Variants in PCNX1 observed in about 807,000 individuals in gnomAD.
PCNX1 encodes pecanex 1, also known as pecanex-like protein 1.
PCNX1 carries 78 observed loss-of-function variants against 242.2 expected under a neutral mutation model. The ratio of observed to expected loss-of-function variants is 0.32; its 90% CI spans 0.27 to 0.39. The LOEUF is 0.39. PCNX1 is among the 10% of genes least tolerant of loss of function. PCNX1 has a pLI of 1.00. For missense variants in PCNX1, 2,581 were observed against 2,856.5 expected, an observed-to-expected ratio of 0.90 and a Z score of 2.20; for synonymous variants, 1,024 against 1,032.9, an observed-to-expected ratio of 0.99 and a Z score of 0.17.
chr14:71,003,533 A>T (rs555981198), intron 8 of PCNX1, among the ~76,000 whole-genome samples: 1 of 152,134 alleles, frequency 6.6e-6, no homozygotes, highest in Non-Finnish European at 1.5e-5. Context: ...AATGTCATCA[A>T]TGTCGTTATT....
intron 17 of PCNX1, 133 bp downstream of exon 17, chr14:71,033,671 A>G (rs1374927211): frequency 1.7e-6 from 1 of 598,582 alleles, no homozygotes; most frequent in African/African-American, 1.9e-5. Flanking sequence ...AAGTTTCAAA[A>G]TATAATAATT....
At chr14:70,990,790 C>T (rs2059141187) in intron 7 of PCNX1, among the ~76,000 whole-genome samples, 1 of 152,084 alleles carries the variant, frequency 6.6e-6, no homozygotes, top group African/African-American at 2.4e-5. Context: ...CTTTTCCTGC[C>T]TGAAGTAACT....
intron 6 of PCNX1, 31 bp from the exon 7 acceptor site, chr14:70,988,536 T>C (rs1414330445): frequency 1.9e-6 from 3 of 1,606,576 alleles, no homozygotes; most frequent in Non-Finnish European, 8.5e-7. Flanking sequence ...TGACCTAGGC[T>C]CTTGTTTGAC....
intron 18 of PCNX1, among the ~76,000 whole-genome samples, chr14:71,035,846 T>C (rs1034106779): frequency 4.0e-5 from 6 of 151,848 alleles, no homozygotes; most frequent in African/African-American, 1.5e-4. Flanking sequence ...GAGGTGGAGG[T>C]TGCAGTGAGC....
intron 11 of PCNX1, 21 bp from the exon 12 acceptor site, chr14:71,018,988 C>T: frequency 6.3e-7 from 1 of 1,597,454 alleles, no homozygotes; most frequent in Non-Finnish European, 8.5e-7. Flanking sequence ...TATACTTACC[C>T]ATAAGTTTTT....
chr14:71,105,734 G>A (rs567850327), intron 33 of PCNX1, among the ~76,000 whole-genome samples: 87 of 151,224 alleles, frequency 5.8e-4, no homozygotes, highest in African/African-American at 2.0e-3. Context: ...GTAGAGACAG[G>A]GTTTCACCAT....
chr14:71,100,806 A>AT (rs1377526392), intron 30 of PCNX1, among the ~76,000 whole-genome samples: 3 of 151,552 alleles, frequency 2.0e-5, no homozygotes, highest in Admixed American at 6.6e-5. Flanking sequence ...TTTTTTCTTT[A>AT]TTTTGTCTGA....
intron 3 of PCNX1, among the ~76,000 whole-genome samples, chr14:70,967,678 G>A (rs1874575891): frequency 6.6e-6 from 1 of 152,058 alleles, no homozygotes; most frequent in Non-Finnish European, 1.5e-5. Flanking sequence ...TGTCTATAAA[G>A]AAGTACTTAC....
chr14:70,956,032 T>C (rs887571365), intron 2 of PCNX1, among the ~76,000 whole-genome samples: 2 of 152,044 alleles, frequency 1.3e-5, no homozygotes, highest in African/African-American at 4.8e-5. Context: ...TGTCTGGAGC[T>C]TTTTTTGGTT....
At chr14:70,945,479 A>G (rs947113246) in intron 1 of PCNX1, among the ~76,000 whole-genome samples, 1 of 151,712 alleles carries the variant, frequency 6.6e-6, no homozygotes, top group East Asian at 1.9e-4. Flanking sequence ...TTTAATATAT[A>G]CCTATTATGC....
At chr14:71,027,647 A>G (rs1291442025) in intron 15 of PCNX1, among the ~76,000 whole-genome samples, 1 of 151,938 alleles carries the variant, frequency 6.6e-6, no homozygotes, top group African/African-American at 2.4e-5. Context: ...TTATTTTCCA[A>G]GCATATGCAT....
intron 30 of PCNX1, among the ~76,000 whole-genome samples, chr14:71,098,799 C>T (rs142094726): frequency 4.6e-5 from 7 of 151,972 alleles, no homozygotes; most frequent in East Asian, 1.9e-4. Flanking sequence ...TTTTTTTCCC[C>T]GCTGCCTGAT....
At chr14:70,985,797 C>A (rs960516359) in intron 6 of PCNX1, among the ~76,000 whole-genome samples, 23 of 152,218 alleles carry the variant, frequency 1.5e-4, no homozygotes, top group Admixed American at 1.4e-3. Context: ...TAATTTCATT[C>A]TTCTTTGCCA....
chr14:71,057,484 C>A, intron 25 of PCNX1, 25 bp from the exon 26 acceptor site: 1 of 1,536,506 alleles, frequency 6.5e-7, no homozygotes, highest in South Asian at 1.1e-5. Flanking sequence ...TTAAATTTAA[C>A]TTTTTTTAAA....
chr14:71,047,750 A>G (rs1387696356), intron 21 of PCNX1, 57 bp from the exon 22 acceptor site: 8 of 1,372,288 alleles, frequency 5.8e-6, no homozygotes, highest in African/African-American at 4.4e-5. Context: ...ATTTTAAGTT[A>G]CTGTCTCTTC....
chr14:70,969,149 G>A (rs780995457), intron 5 of PCNX1, 39 bp downstream of exon 5: 5 of 1,153,884 alleles, frequency 4.3e-6, no homozygotes, highest in Non-Finnish European at 5.2e-6. Context: ...CATATACTGT[G>A]GTGACCAGAG....
chr14:70,968,580 G>A (rs2058449643), intron 4 of PCNX1, among the ~76,000 whole-genome samples: 1 of 152,164 alleles, frequency 6.6e-6, no homozygotes, highest in African/African-American at 2.4e-5. Context: ...ACCTTCTAAT[G>A]TGACCACAAA....
At chr14:71,037,050 A>G (rs907247709) in intron 19 of PCNX1, among the ~76,000 whole-genome samples, 66 of 152,148 alleles carry the variant, frequency 4.3e-4, no homozygotes, top group South Asian at 3.7e-3. Context: ...CTTTGAAGCA[A>G]TTGTGAATGG....
chr14:71,059,100 T>A (rs79129321), intron 26 of PCNX1, among the ~76,000 whole-genome samples: 1 of 152,206 alleles, frequency 6.6e-6, no homozygotes, highest in Non-Finnish European at 1.5e-5. Flanking sequence ...GAGGCTGTTT[T>A]ATCTAACATT....
Sources: allele counts gnomAD v4.1 joint callset (sites outside exome capture counted in the v4.1 genomes callset), GRCh38; gene constraint gnomAD v4.1.1; transcripts MANE v1.5; gene names NCBI Gene and HGNC (gene_info 2026-07-23, HGNC 2026-07-21).